The following MTDH variants were observed in gnomAD, a reference collection of about 807,000 sequenced individuals.
MTDH encodes metadherin, also known as protein LYRIC.
MTDH carries 34 observed loss-of-function variants against 72.7 expected under a neutral mutation model. That is an observed-to-expected ratio of 0.47 (90% CI 0.36 to 0.62). The LOEUF is 0.62. Among genes scored for constraint, MTDH ranks in the 20% least tolerant of loss-of-function variants. The pLI is 0.00. For synonymous variants in MTDH, 266 were observed against 268.9 expected, an observed-to-expected ratio of 0.99 and a Z score of 0.10; for missense variants, 677 against 699.4, an observed-to-expected ratio of 0.97 and a Z score of 0.36.
rs1448883433 is a variant in MTDH, at chr8:97,725,477, A to G, written c.*807A>G. The G allele has an allele frequency of 1.3e-5, 2 of 152,564 alleles. No homozygotes were observed. Among genetic ancestry groups the G allele is most frequent in the Non-Finnish European group, 2.9e-5 (2 of 68,016 alleles). 9.5% of individuals were successfully genotyped at this position (152,564 alleles called of 1,614,324 possible). Reference sequence around the variant, plus strand: ...TCCAATTTACATTTTTCCCTTCCCTAGCAATTACTTTTTTCCAGCTTCAAC... The same window carrying G: ...TCCAATTTACATTTTTCCCTTCCCTGGCAATTACTTTTTTCCAGCTTCAAC... On this transcript the variant is annotated 3_prime_UTR_variant, in exon 12 of 12. Transcript: ENST00000336273.
chr8:97,671,066 C>T (rs969431748), intron 2 of MTDH, among the ~76,000 whole-genome samples: 3 of 147,888 alleles, frequency 2.0e-5, no homozygotes, highest in African/African-American at 7.5e-5. Flanking sequence ...CCCGGGTTCA[C>T]GCCATTCTCC....
chr8:97,690,886 G>A, intron 5 of MTDH, 66 bp from the exon 6 acceptor site: 1 of 1,105,102 alleles, frequency 9.0e-7, no homozygotes, highest in Non-Finnish European at 1.3e-6. Flanking sequence ...TCATAGAAAT[G>A]TGAAAATATC....
chr8:97,680,090 T>G (rs1013866641), intron 2 of MTDH, among the ~76,000 whole-genome samples: 3 of 152,154 alleles, frequency 2.0e-5, no homozygotes, highest in African/African-American at 7.2e-5. Flanking sequence ...TTTGTTCGTT[T>G]GAGACAAGGT....
intron 5 of MTDH, 61 bp downstream of exon 5, chr8:97,689,164 A>T: frequency 1.2e-6 from 1 of 848,036 alleles, no homozygotes; most frequent in Non-Finnish European, 1.9e-6. Context: ...TTATATACAT[A>T]CCTCTTTCCT....
At chr8:97,696,688 C>T (rs1470278185) in intron 6 of MTDH, among the ~76,000 whole-genome samples, 5 of 152,090 alleles carry the variant, frequency 3.3e-5, no homozygotes, top group Non-Finnish European at 7.4e-5. Flanking sequence ...GTTATGGATT[C>T]CCACATAATA....
chr8:97,646,913 T>C (rs1011294865), intron 1 of MTDH, among the ~76,000 whole-genome samples: 1 of 152,242 alleles, frequency 6.6e-6, no homozygotes, highest in Non-Finnish European at 1.5e-5. Flanking sequence ...CTTTTCTGAC[T>C]GCAACCCACA....
chr8:97,694,853 G>A (rs1477326695), intron 6 of MTDH, among the ~76,000 whole-genome samples: 1 of 151,940 alleles, frequency 6.6e-6, no homozygotes, highest in Non-Finnish European at 1.5e-5. Context: ...AACCTGGGAA[G>A]CGGAGATTGC....
intron 6 of MTDH, among the ~76,000 whole-genome samples, chr8:97,692,618 T>TCCAC (rs1358775832): frequency 6.6e-6 from 1 of 152,150 alleles, no homozygotes; most frequent in Admixed American, 6.6e-5. Context: ...CCTCAAGTGA[T>TCCAC]CCACCCACCT....
At chr8:97,713,108 G>A (rs1198107951) in intron 8 of MTDH, among the ~76,000 whole-genome samples, 4 of 151,912 alleles carry the variant, frequency 2.6e-5, no homozygotes, top group South Asian at 2.1e-4. Flanking sequence ...TTTTTGAGAC[G>A]GAGTCTCACT....
chr8:97,717,984 A>T (rs1814943784), intron 9 of MTDH, among the ~76,000 whole-genome samples: 1 of 152,050 alleles, frequency 6.6e-6, no homozygotes, highest in African/African-American at 2.4e-5. Flanking sequence ...TCCTGACCTC[A>T]AGTGATCCAC....
intron 2 of MTDH, among the ~76,000 whole-genome samples, chr8:97,682,274 A>ATG: frequency 1.9e-4 from 1 of 5,214 alleles, no homozygotes; most frequent in African/African-American, 7.2e-4. Flanking sequence ...ATATATATAT[A>ATG]TATATATTTT....
Position 97,726,261 on chromosome 8 carries a change from T to C in MTDH, c.*1591T>C, listed in dbSNP as rs1024696266. 1 of 152,692 alleles carries C rather than the reference T, an allele frequency of 6.5e-6. No individual in the cohort carries two copies. The highest frequency in any genetic ancestry group is 2.4e-5 in the African/African-American group (1 of 41,472). The allele number at this position is 152,692 out of a possible 1,614,324, so 9.5% of individuals were successfully genotyped here. On this transcript the variant is annotated 3_prime_UTR_variant, in exon 12 of 12. Transcript: ENST00000336273. ...GTATGTTTACATGTCAGAAGTTTTG[T>C]TTAATTCTATGGTATTTCTAAATTG...
intron 7 of MTDH, among the ~76,000 whole-genome samples, chr8:97,703,214 G>C (rs549648130): frequency 2.0e-5 from 3 of 152,224 alleles, no homozygotes; most frequent in African/African-American, 7.2e-5. Context: ...AAAAAAATTA[G>C]CTGGGCGTGG....
At chr8:97,695,308 C>G (rs1455017245) in intron 6 of MTDH, among the ~76,000 whole-genome samples, 1 of 151,918 alleles carries the variant, frequency 6.6e-6, no homozygotes, top group East Asian at 1.9e-4. Context: ...GAAATAGGCT[C>G]TCACCATGTT....
intron 1 of MTDH, 75 bp from the exon 2 acceptor site, chr8:97,660,997 G>A: frequency 8.6e-7 from 1 of 1,158,206 alleles, no homozygotes; most frequent in Non-Finnish European, 1.3e-6. Context: ...TAGTATATAT[G>A]GTTTCCTGCG....
Position 97,723,029 on chromosome 8 carries a change from T to A in MTDH, c.1672T>A (p.Ser558Thr). 6.2e-7 allele frequency: 1 copy of A among 1,613,544 alleles called. No homozygotes were observed. Among genetic ancestry groups the A allele is most frequent in the Non-Finnish European group, 8.5e-7 (1 of 1,179,808 alleles). The change falls in exon 11 of 12, where the codon TCA (serine) becomes ACA (threonine). Residue 558 changes from serine to threonine, a missense_variant. Ser to Thr is a moderately conservative substitution (Grantham distance 58). This residue lies in a region of MTDH where 201 missense variants were observed against 204.5 expected (regional missense o/e 0.98). Transcript: ENST00000336273. ...TACCAAGCAAAATAGTGTGCCTCCT[T>A]CACAGAGTAAGTAATCCTCATTTTT... Reference protein sequence around the residue: ...SNTKQNSVPPSQTKSETSWES... With the variant: ...SNTKQNSVPPTQTKSETSWES...
intron 5 of MTDH, among the ~76,000 whole-genome samples, chr8:97,690,319 T>C (rs1207357069): frequency 1.3e-5 from 2 of 152,196 alleles, no homozygotes; most frequent in African/African-American, 4.8e-5. Flanking sequence ...GTGCTTGTTC[T>C]TAGCACTGTC....
intron 2 of MTDH, among the ~76,000 whole-genome samples, chr8:97,680,212 A>G (rs1457908863): frequency 6.6e-6 from 1 of 152,130 alleles, no homozygotes; most frequent in Admixed American, 6.6e-5. Flanking sequence ...AGCTAGGACT[A>G]CAGGTGTGCA....
At chr8:97,719,999 A>G (rs955807331) in intron 10 of MTDH, among the ~76,000 whole-genome samples, 1 of 146,190 alleles carries the variant, frequency 6.8e-6, no homozygotes, top group African/African-American at 2.5e-5. Context: ...CATCATATAA[A>G]TTCAGGGCTG....
Sources: allele counts gnomAD v4.1 joint callset (sites outside exome capture counted in the v4.1 genomes callset), GRCh38; gene constraint gnomAD v4.1.1; regional missense constraint gnomAD v4.1.1; transcripts MANE v1.5; gene names NCBI Gene and HGNC (gene_info 2026-07-23, HGNC 2026-07-21).